RASGRF2: variants seen among roughly 807,000 people sequenced by gnomAD.
The protein encoded by RASGRF2 is Ras protein specific guanine nucleotide releasing factor 2.
A neutral mutation model predicts 151.0 loss-of-function variants in RASGRF2; 76 were observed. The observed-to-expected ratio is 0.50, with a 90% CI of 0.42 to 0.61. The LOEUF (loss-of-function observed/expected upper bound fraction) is 0.61. RASGRF2 is among the 20% of genes least tolerant of loss of function. RASGRF2 has a pLI of 0.00. For missense variants in RASGRF2, 1,148 were observed against 1,564.6 expected (o/e 0.73, Z 4.49); for synonymous variants, 504 against 566.5 (o/e 0.89, Z 1.57).
At chr5:81,175,137 T>C (rs1049848046) in intron 17 of RASGRF2, among the ~76,000 whole-genome samples, 4 of 152,242 alleles carry the variant, frequency 2.6e-5, no homozygotes, top group Non-Finnish European at 5.9e-5. Context: ...TTTGGTTTCC[T>C]GTTTCTTTGC....
At chr5:80,990,608 C>G (rs1325876172) in intron 1 of RASGRF2, among the ~76,000 whole-genome samples, 1 of 152,180 alleles carries the variant, frequency 6.6e-6, no homozygotes, top group Admixed American at 6.5e-5. Context: ...TCGGTCCACA[C>G]CTTTGCTGCC....
At chr5:80,964,039 A>G (rs560651922) in intron 1 of RASGRF2, among the ~76,000 whole-genome samples, 2 of 150,220 alleles carry the variant, frequency 1.3e-5, no homozygotes, top group Admixed American at 6.7e-5. Flanking sequence ...AATTGTTTCC[A>G]GTTAAGCAGA....
At chr5:81,206,963 G>A (rs1755522221) in intron 20 of RASGRF2, 58 bp downstream of exon 20, 11 of 1,352,100 alleles carry the variant, frequency 8.1e-6, no homozygotes, top group South Asian at 1.2e-5. Context: ...TCTCCAAGGC[G>A]AGCAATATGC....
chr5:81,152,165 C>T (rs777396724), intron 17 of RASGRF2, among the ~76,000 whole-genome samples: 5 of 152,096 alleles, frequency 3.3e-5, no homozygotes, highest in African/African-American at 4.8e-5. Context: ...ACATGCCTAG[C>T]TAATTTTTGT....
chr5:81,079,531 T>G (rs1180807921), intron 5 of RASGRF2, among the ~76,000 whole-genome samples: 1 of 152,212 alleles, frequency 6.6e-6, no homozygotes, highest in Non-Finnish European at 1.5e-5. Flanking sequence ...TGTTTTGACT[T>G]TGGTAATTAC....
At chr5:81,147,220 GT>G (rs1329694168) in intron 17 of RASGRF2, among the ~76,000 whole-genome samples, 1 of 152,176 alleles carries the variant, frequency 6.6e-6, no homozygotes, top group African/African-American at 2.4e-5. Flanking sequence ...GGTTAATATA[GT>G]TTCAAATTAT....
chr5:81,166,600 T>C (rs931486027), intron 17 of RASGRF2, among the ~76,000 whole-genome samples: 8 of 151,502 alleles, frequency 5.3e-5, no homozygotes, highest in Non-Finnish European at 8.8e-5. Flanking sequence ...GGAGTGGCGG[T>C]GTTGAGGAAA....
In RASGRF2 at chr5:81,023,522, C is replaced by T. The variant is rs188697631; in HGVS notation, c.289-19355C>T. Among the ~76,000 whole-genome samples the T allele has an allele frequency of 6.6e-5, 10 of 152,258 alleles. No homozygotes were observed. In the East Asian group the frequency reaches 1.9e-3, roughly 29 times the overall value. ...TAGACATACAAGACTCTTTGATGAG[C>T]GGCTACAAATAATGATTTGCAGGCA... is the stretch of plus-strand genomic sequence containing the variant. On this transcript the variant is annotated intron_variant, in intron 1 of 26. Transcript: ENST00000265080.
intron 1 of RASGRF2, among the ~76,000 whole-genome samples, chr5:80,969,665 A>T (rs1379781448): frequency 7.1e-6 from 1 of 140,574 alleles, no homozygotes; most frequent in South Asian, 2.3e-4. Flanking sequence ...GTTAGCCAGG[A>T]TGATCTCGAT....
chr5:81,027,047 C>A (rs962252893), intron 1 of RASGRF2, among the ~76,000 whole-genome samples: 1 of 152,150 alleles, frequency 6.6e-6, no homozygotes, highest in Non-Finnish European at 1.5e-5. Context: ...AGATATAAAT[C>A]ATATCCCATA....
intron 1 of RASGRF2, among the ~76,000 whole-genome samples, chr5:81,040,436 T>A (rs1471270163): frequency 6.6e-6 from 1 of 152,248 alleles, no homozygotes; most frequent in Non-Finnish European, 1.5e-5. Flanking sequence ...AACTAGTATT[T>A]GATATTGTTG....
intron 2 of RASGRF2, among the ~76,000 whole-genome samples, chr5:81,047,821 G>C (rs754153170): frequency 1.3e-5 from 2 of 152,042 alleles, no homozygotes; most frequent in Non-Finnish European, 2.9e-5. Context: ...TTAATGTTTA[G>C]TCTTTTTGAT....
intron 1 of RASGRF2, among the ~76,000 whole-genome samples, chr5:81,024,417 G>A (rs1021076309): frequency 2.6e-5 from 4 of 151,316 alleles, no homozygotes; most frequent in African/African-American, 7.3e-5. Flanking sequence ...CCACCACCAC[G>A]CCAGGCTAAT....
intron 9 of RASGRF2, chr5:81,087,653 A>G: frequency 2.2e-6 from 1 of 454,372 alleles, no homozygotes; most frequent in Non-Finnish European, 3.9e-6. Flanking sequence ...TGCAAGACGT[A>G]AACCACATCC....
intron 19 of RASGRF2, among the ~76,000 whole-genome samples, chr5:81,202,957 A>G (rs546380439): frequency 6.6e-6 from 1 of 152,390 alleles, no homozygotes; most frequent in East Asian, 1.9e-4. Context: ...AAGGTGAGAC[A>G]ATACATTTCT....
At chr5:81,115,672 C>T (rs1338258003) in intron 15 of RASGRF2, among the ~76,000 whole-genome samples, 1 of 152,174 alleles carries the variant, frequency 6.6e-6, no homozygotes, top group African/African-American at 2.4e-5. Flanking sequence ...GTGTCCAACA[C>T]CAGTGGCTTG....
chr5:81,034,588 G>A (rs1451589633), intron 1 of RASGRF2, among the ~76,000 whole-genome samples: 2 of 151,590 alleles, frequency 1.3e-5, no homozygotes, highest in East Asian at 3.9e-4. Context: ...AGAAAATGTG[G>A]CACATATACA....
intron 1 of RASGRF2, chr5:81,019,483 A>T (rs1354592282): frequency 1.3e-5 from 2 of 152,194 alleles, no homozygotes; most frequent in East Asian, 3.9e-4. Flanking sequence ...AGGAGGTGGG[A>T]ACCTCCCATC....
At chr5:81,130,614 C>T (rs533811841) in intron 17 of RASGRF2, among the ~76,000 whole-genome samples, 26 of 152,028 alleles carry the variant, frequency 1.7e-4, no homozygotes, top group African/African-American at 5.3e-4. Context: ...TGGTGTTGCC[C>T]GAGGAGGGCT....
Sources: gnomAD v4.1 joint callset for allele counts (sites outside exome capture counted in the v4.1 genomes callset) on GRCh38, gnomAD v4.1.1 for gene constraint, MANE v1.5 for transcripts, NCBI Gene and HGNC (gene_info 2026-07-23, HGNC 2026-07-21) for gene names.